PPP1R12A: variants seen among roughly 807,000 people sequenced by gnomAD.
The protein encoded by PPP1R12A is protein phosphatase 1 regulatory subunit 12A, also known as myosin binding subunit.
Under a neutral mutation model 139.6 loss-of-function variants are expected in PPP1R12A, and 19 were observed. The ratio of observed to expected loss-of-function variants is 0.14; its 90% CI spans 0.09 to 0.20. PPP1R12A has a LOEUF of 0.20. Among genes scored for constraint, PPP1R12A ranks in the 10% least tolerant of loss-of-function variants. The probability of loss-of-function intolerance (pLI) is 1.00; values close to 1 mark genes in which losing one functional copy is unlikely to be tolerated. For synonymous variants in PPP1R12A, 427 were observed against 420.6 expected, an observed-to-expected ratio of 1.02 and a Z score of -0.19; for missense variants, 925 against 1,211.5, an observed-to-expected ratio of 0.76 and a Z score of 3.51.
At chr12:79,916,164 T>A (rs1438965666) in intron 1 of PPP1R12A, among the ~76,000 whole-genome samples, 1 of 151,938 alleles carries the variant, frequency 6.6e-6, no homozygotes, top group Non-Finnish European at 1.5e-5. Context: ...AAACAACAAA[T>A]GTACCTATAA....
intron 22 of PPP1R12A, 98 bp downstream of exon 22, chr12:79,786,276 C>A (rs1345738485): frequency 1.5e-6 from 1 of 682,844 alleles, no homozygotes; most frequent in Non-Finnish European, 2.4e-6. Flanking sequence ...AATTATCAAA[C>A]TTCTATTTAG....
At chr12:79,904,899 T>A (rs899497055) in intron 1 of PPP1R12A, among the ~76,000 whole-genome samples, 1 of 152,178 alleles carries the variant, frequency 6.6e-6, no homozygotes, top group African/African-American at 2.4e-5. Flanking sequence ...CAAAACACAC[T>A]GAAGCATGTT....
chr12:79,885,109 A>G (rs925858792), intron 1 of PPP1R12A, among the ~76,000 whole-genome samples: 1 of 152,184 alleles, frequency 6.6e-6, no homozygotes, highest in East Asian at 1.9e-4. Context: ...TAACATTGTT[A>G]TATTCCTTTT....
At chr12:79,805,106 T>G (rs1366496739) in intron 14 of PPP1R12A, among the ~76,000 whole-genome samples, 3 of 152,192 alleles carry the variant, frequency 2.0e-5, no homozygotes, top group Non-Finnish European at 4.4e-5. Flanking sequence ...TCAAAATTAT[T>G]TGGCTTACAC....
intron 22 of PPP1R12A, among the ~76,000 whole-genome samples, chr12:79,783,768 T>C (rs1870770351): frequency 6.6e-6 from 1 of 152,200 alleles, no homozygotes; most frequent in East Asian, 1.9e-4. Flanking sequence ...TTAGCAATTA[T>C]ATGTGGTTTG....
chr12:79,802,409 C>A (rs1044847701), intron 14 of PPP1R12A, among the ~76,000 whole-genome samples: 1 of 152,116 alleles, frequency 6.6e-6, no homozygotes, highest in Non-Finnish European at 1.5e-5. Context: ...CAAGTTATTA[C>A]TTTTTGGACT....
rs527693035 is a variant in PPP1R12A, at chr12:79,894,126, A to G, written c.238-21188T>C. Among the ~76,000 whole-genome samples, 8 of 152,338 alleles carry G rather than the reference A, an allele frequency of 5.3e-5. No homozygotes were observed. The East Asian group carries it at 1.5e-3, about 29-fold the overall frequency. On this transcript the variant is annotated intron_variant, in intron 1 of 24. Coordinates refer to ENST00000450142, the MANE Select transcript of PPP1R12A (RefSeq NM_002480.3). ...CCCTCTCTACCTTTATAGTGACATA[A>G]CATAATGAGACTGCTTTTAAGTTTC... is the stretch of plus-strand genomic sequence containing the variant.
intron 9 of PPP1R12A, among the ~76,000 whole-genome samples, chr12:79,812,391 C>CGTGTGTGCGT (rs1555202886): frequency 7.4e-6 from 1 of 134,510 alleles, no homozygotes; most frequent in African/African-American, 2.9e-5. Flanking sequence ...TCTGTGTGTG[C>CGTGTGTGCGT]GTGTGTGTGT....
At chr12:79,909,150 AT>A (rs1886356451) in intron 1 of PPP1R12A, among the ~76,000 whole-genome samples, 2 of 152,154 alleles carry the variant, frequency 1.3e-5, no homozygotes, top group Admixed American at 1.3e-4. Context: ...CAGCCCTGTA[AT>A]TTATAAGCTT....
rs181054141 is a variant in PPP1R12A at position 79,864,342 on chromosome 12, G to A, written c.368+8466C>T. 5.4e-3 allele frequency among the ~76,000 whole-genome samples: 820 copies of A among 152,274 alleles called. 5 individuals carry two copies. The highest frequency in any genetic ancestry group is 0.019 in the African/African-American group (778 of 41,536). On this transcript the variant is annotated intron_variant, in intron 2 of 24. Transcript: ENST00000450142. ...ATCTCTAGGACACATTTAAAGCAGT[G>A]TATACAGGGAAATTTATAGCACTAA...
chr12:79,839,885 G>A (rs1421155301), intron 3 of PPP1R12A, among the ~76,000 whole-genome samples: 1 of 152,060 alleles, frequency 6.6e-6, no homozygotes, highest in African/African-American at 2.4e-5. Flanking sequence ...TCATGAGAAT[G>A]GACTAATACA....
At chr12:79,814,425 C>T (rs556248207) in intron 9 of PPP1R12A, among the ~76,000 whole-genome samples, 154 of 135,642 alleles carry the variant, frequency 1.1e-3, no homozygotes, top group African/African-American at 4.2e-3. Flanking sequence ...TGCAGTGAGC[C>T]GAGATCGTGC....
chr12:79,922,492 C>T (rs755508464), intron 1 of PPP1R12A, among the ~76,000 whole-genome samples: 1 of 152,102 alleles, frequency 6.6e-6, no homozygotes, highest in Admixed American at 6.5e-5. Context: ...CACATACACA[C>T]CATGGAATAC....
At position 79,817,474 on chromosome 12, in the gene PPP1R12A, T is replaced by C. The variant is rs1426335665; in HGVS notation, c.1159A>G (p.Ser387Gly). 2 of 1,606,498 alleles carry C rather than the reference T, an allele frequency of 1.2e-6. No homozygotes were observed. The highest frequency in any genetic ancestry group is 1.7e-5 in the Admixed American group (1 of 58,980). ...LASVTNANTS[S>G]TQAAPVAVTT... ...ACAGCTACAGGAGCTGCTTGTGTAC[T>C]AGAAGTGTTGGCATTAGTTACAGAA... The change falls in exon 9 of 25, where the codon AGT becomes GGT. Residue 387 changes from serine to glycine, a missense_variant. Transcript: ENST00000450142.
At chr12:79,830,932 C>T (rs905860979) in intron 4 of PPP1R12A, among the ~76,000 whole-genome samples, 1 of 152,184 alleles carries the variant, frequency 6.6e-6, no homozygotes, top group East Asian at 1.9e-4. Flanking sequence ...AATGAAGAAT[C>T]TATGTACTAA....
At chr12:79,928,528 T>TA (rs1412410855) in intron 1 of PPP1R12A, among the ~76,000 whole-genome samples, 1 of 152,240 alleles carries the variant, frequency 6.6e-6, no homozygotes, top group East Asian at 1.9e-4. Flanking sequence ...CATAAAGTGT[T>TA]ACAGCTTTTC....
Position 79,810,402 on chromosome 12 carries a change from T to A in PPP1R12A, c.1240-392A>T, listed in dbSNP as rs895658715. On this transcript the variant is annotated intron_variant, in intron 9 of 24. Coordinates refer to ENST00000450142, the MANE Select transcript of PPP1R12A (RefSeq NM_002480.3). ...CACATAGAAATGCCTCACCATAGAT[T>A]TTTCACCCTTACTGGGCACAAGAAC... Among the ~76,000 whole-genome samples the A allele has an allele frequency of 2.6e-5, 4 of 152,248 alleles. No individual in the cohort carries two copies. The South Asian group carries it at 8.3e-4, about 32-fold the overall frequency.
At chr12:79,885,693 A>G (rs868455689) in intron 1 of PPP1R12A, among the ~76,000 whole-genome samples, 44 of 152,212 alleles carry the variant, frequency 2.9e-4, no homozygotes, top group Middle Eastern at 3.2e-3. Flanking sequence ...ATGTAATTAT[A>G]ACAATTTAGG....
intron 1 of PPP1R12A, among the ~76,000 whole-genome samples, chr12:79,928,923 G>A (rs116316244): frequency 0.011 from 1,660 of 152,288 alleles, 30 homozygotes; most frequent in African/African-American, 0.037. Context: ...AAGTCTGTCT[G>A]TTTTGGAAAG....
Sources: allele counts gnomAD v4.1 joint callset (sites outside exome capture counted in the v4.1 genomes callset), GRCh38; gene constraint gnomAD v4.1.1; transcripts MANE v1.5; gene names NCBI Gene and HGNC (gene_info 2026-07-23, HGNC 2026-07-21).